Variants in CDC42SE2 observed in about 807,000 individuals in gnomAD.
CDC42SE2 encodes CDC42 small effector protein 2.
CDC42SE2 carries 3 observed loss-of-function variants against 11.5 expected under a neutral mutation model. The observed-to-expected ratio is 0.26, with a 90% confidence interval of 0.12 to 0.67. The LOEUF (loss-of-function observed/expected upper bound fraction) is 0.67. Ranked by LOEUF, CDC42SE2 falls within the 30% of genes least tolerant of loss-of-function variation. The pLI is 0.80. For missense variants in CDC42SE2, 82 were observed against 106.8 expected, an observed-to-expected ratio of 0.77 and a Z score of 1.02; for synonymous variants, 33 against 34.8, an observed-to-expected ratio of 0.95 and a Z score of 0.18.
chr5:131,293,891 G>A (rs1044076793), intron 1 of CDC42SE2, among the ~76,000 whole-genome samples: 2 of 152,108 alleles, frequency 1.3e-5, no homozygotes, highest in African/African-American at 2.4e-5. Context: ...ATAGAGTGAC[G>A]CAACTTACTG....
intron 2 of CDC42SE2, among the ~76,000 whole-genome samples, chr5:131,258,665 ACAC>A (rs1756698003): frequency 6.6e-6 from 1 of 152,074 alleles, no homozygotes; most frequent in East Asian, 1.9e-4. Context: ...ATCATCTCCC[ACAC>A]CACGAGAGGT....
intron 2 of CDC42SE2, among the ~76,000 whole-genome samples, chr5:131,347,614 A>G (rs1561593782): frequency 6.6e-6 from 1 of 152,200 alleles, no homozygotes; most frequent in Non-Finnish European, 1.5e-5. Context: ...ACTCCAATCA[A>G]TAGAAAAAGA....
intron 4 of CDC42SE2, 38 bp downstream of exon 4, chr5:131,385,682 G>A: frequency 1.5e-6 from 2 of 1,302,658 alleles, no homozygotes; most frequent in Non-Finnish European, 2.2e-6. Flanking sequence ...AGGGCATTGG[G>A]GCATAGTCAT....
At chr5:131,366,547 A>T (rs886375398) in intron 3 of CDC42SE2, among the ~76,000 whole-genome samples, 6 of 152,058 alleles carry the variant, frequency 3.9e-5, no homozygotes, top group African/African-American at 1.4e-4. Context: ...TTCAGATTGG[A>T]GGGTTTTTTT....
intron 3 of CDC42SE2, among the ~76,000 whole-genome samples, chr5:131,370,263 A>G (rs1749979368): frequency 6.6e-6 from 1 of 152,220 alleles, no homozygotes; most frequent in African/African-American, 2.4e-5. Flanking sequence ...AAAGAAACTC[A>G]GCGAAAAAAT....
At chr5:131,321,293 G>C (rs747867073) in intron 2 of CDC42SE2, among the ~76,000 whole-genome samples, 2 of 152,154 alleles carry the variant, frequency 1.3e-5, no homozygotes, top group Non-Finnish European at 2.9e-5. Context: ...CTCAACTTCC[G>C]TCTGTGAAAG....
At chr5:131,268,054 C>CTTTT (rs148354795) in intron 1 of CDC42SE2, among the ~76,000 whole-genome samples, 16 of 65,446 alleles carry the variant, frequency 2.4e-4, no homozygotes, top group African/African-American at 5.9e-4. Flanking sequence ...CATGCTTATT[C>CTTTT]TTTTTTTTTT....
At chr5:131,279,498 A>AT (rs1443500913) in intron 1 of CDC42SE2, among the ~76,000 whole-genome samples, 4 of 129,882 alleles carry the variant, frequency 3.1e-5, no homozygotes, top group African/African-American at 1.2e-4. Context: ...CCTGAGTTCA[A>AT]TTTTTTTTAA....
At chr5:131,237,084 A>C in the CDC42SE2 span, among the ~76,000 whole-genome samples, 1 of 152,232 alleles carries the variant, frequency 6.6e-6, no homozygotes, top group Admixed American at 6.5e-5. Flanking sequence ...AGCAGGGATC[A>C]CCTCATTTTA....
At chr5:131,253,244 G>A (rs1425591785) in intron 1 of CDC42SE2, 3 of 152,246 alleles carry the variant, frequency 2.0e-5, no homozygotes, top group Non-Finnish European at 2.9e-5. Context: ...CCTCAGTGGC[G>A]AAGGGATGTC....
rs569897366 is a variant in CDC42SE2 at position 131,254,303 on chromosome 5, A to G, written n.108-792A>G. ...ACTCTTGTAATCCCAGCACTTTGGG[A>G]GCCTGACGCGGGTGGATCACTTGAG... On this transcript the variant is annotated intron_variant and non_coding_transcript_variant, in intron 1 of 3. Coordinates refer to the CDC42SE2 transcript ENST00000502840. 2.1e-3 allele frequency among the ~76,000 whole-genome samples: 325 copies of G among 152,214 alleles called. 1 individual carries two copies. Among genetic ancestry groups the G allele is most frequent in the Non-Finnish European group, 3.8e-3 (259 of 68,014 alleles).
intron 1 of CDC42SE2, among the ~76,000 whole-genome samples, chr5:131,299,803 C>T (rs576041169): frequency 5.9e-5 from 9 of 152,048 alleles, no homozygotes; most frequent in Non-Finnish European, 1.5e-5. Flanking sequence ...AAGATGAGGG[C>T]ATAGGACAAA....
At chr5:131,219,926 G>A in the CDC42SE2 span, among the ~76,000 whole-genome samples, 1 of 152,102 alleles carries the variant, frequency 6.6e-6, no homozygotes, top group Non-Finnish European at 1.5e-5. Context: ...AACAGAGCAA[G>A]AACCTGTCTC....
rs1750092522 is a variant in CDC42SE2 at position 131,374,436 on chromosome 5, C to T, written c.55-11107C>T. ...ATCCCAGCTACTTGGGAGGCTGAGG[C>T]AGGAGAATCACCTGAACCCGGGTGG... On this transcript the variant is annotated intron_variant, in intron 3 of 4. Coordinates refer to ENST00000505065, the MANE Select transcript of CDC42SE2 (RefSeq NM_001375635.1). Among the ~76,000 whole-genome samples, 4 of 148,782 alleles carry T rather than the reference C, an allele frequency of 2.7e-5. No homozygotes were observed. In the South Asian group the frequency reaches 8.4e-4, roughly 31 times the overall value.
At chr5:131,331,290 A>C (rs1758414745) in intron 2 of CDC42SE2, among the ~76,000 whole-genome samples, 2 of 152,216 alleles carry the variant, frequency 1.3e-5, no homozygotes, top group Non-Finnish European at 2.9e-5. Flanking sequence ...ATACTGAGAC[A>C]AGTTACCAAG....
upstream of CDC42SE2, among the ~76,000 whole-genome samples, chr5:131,259,509 C>T (rs775899246): frequency 3.6e-4 from 54 of 151,202 alleles, 1 homozygote; most frequent in Non-Finnish European, 6.0e-4. Flanking sequence ...TAAATCTTCC[C>T]TCTGCCTTTC....
chr5:131,288,309 T>A (rs1757383374), intron 1 of CDC42SE2, among the ~76,000 whole-genome samples: 1 of 152,146 alleles, frequency 6.6e-6, no homozygotes, highest in Non-Finnish European at 1.5e-5. Flanking sequence ...GGAATCAAGA[T>A]GTTACACTTT....
the CDC42SE2 span, among the ~76,000 whole-genome samples, chr5:131,218,193 A>G: frequency 6.7e-6 from 1 of 149,504 alleles, no homozygotes; most frequent in Non-Finnish European, 1.5e-5. Flanking sequence ...AAAAAAAAAA[A>G]AGAGGAAGAA....
Position 131,394,290 on chromosome 5 carries a change from G to A in CDC42SE2, c.*3199G>A, listed in dbSNP as rs1424039927. 2 of 152,348 alleles carry A rather than the reference G, an allele frequency of 1.3e-5. No individual in the cohort carries two copies. The highest frequency in any genetic ancestry group is 4.8e-5 in the African/African-American group (2 of 41,452). The allele number at this position is 152,348 out of a possible 1,614,324, so 9.4% of individuals were successfully genotyped here. On this transcript the variant is annotated 3_prime_UTR_variant, in exon 5 of 5. Coordinates refer to ENST00000505065, the MANE Select transcript of CDC42SE2 (RefSeq NM_001375635.1). ...GATTGTTAGCAGTGATCTGCATTCT[G>A]TAAAAGAGGTACTTTCCCATGATGT...
Sources: allele counts gnomAD v4.1 joint callset (sites outside exome capture counted in the v4.1 genomes callset), GRCh38; gene constraint gnomAD v4.1.1; transcripts MANE v1.5; gene names NCBI Gene and HGNC (gene_info 2026-07-23, HGNC 2026-07-21).